NLGN1: variants seen among roughly 807,000 people sequenced by gnomAD.
NLGN1 encodes neuroligin-1.
A neutral mutation model predicts 65.5 loss-of-function variants in NLGN1; 12 were observed. The observed-to-expected ratio is 0.18, with a 90% CI of 0.12 to 0.30. The LOEUF is 0.30. Ranked by LOEUF, NLGN1 falls within the 10% of genes least tolerant of loss-of-function variation. NLGN1 has a pLI of 1.00. For missense variants in NLGN1, 750 were observed against 1,007.1 expected (o/e 0.74, Z 3.46); for synonymous variants, 350 against 359.5 (o/e 0.97, Z 0.30).
intron 4 of NLGN1, among the ~76,000 whole-genome samples, chr3:173,945,494 T>A (rs1746978441): frequency 6.6e-6 from 1 of 152,090 alleles, no homozygotes; most frequent in African/African-American, 2.4e-5. Context: ...ATTTGTGTGA[T>A]GCTTGGTGAC....
At chr3:173,537,540 AAAG>A (rs1456938497) in intron 2 of NLGN1, among the ~76,000 whole-genome samples, 2 of 152,040 alleles carry the variant, frequency 1.3e-5, no homozygotes, top group Admixed American at 6.6e-5. Flanking sequence ...ATAATAAAAT[AAAG>A]AAGAACTACT....
chr3:173,726,352 G>A (rs1014914135), intron 3 of NLGN1, among the ~76,000 whole-genome samples: 1 of 151,858 alleles, frequency 6.6e-6, no homozygotes, highest in Admixed American at 6.6e-5. Context: ...TTTATCATGG[G>A]AATACGGCAA....
chr3:173,541,213 T>C (rs565648256), intron 2 of NLGN1, among the ~76,000 whole-genome samples: 4 of 152,116 alleles, frequency 2.6e-5, no homozygotes, highest in African/African-American at 9.7e-5. Flanking sequence ...CATTCTAAAT[T>C]GACACTAAAA....
chr3:173,843,597 A>C (rs1441418105), intron 4 of NLGN1, among the ~76,000 whole-genome samples: 1 of 152,124 alleles, frequency 6.6e-6, no homozygotes, highest in African/African-American at 2.4e-5. Flanking sequence ...ACAGGGGCAA[A>C]ATGCTGCCAG....
rs1577535354 is a variant in NLGN1 at position 173,450,163 on chromosome 3, G to T, written c.-321+15085G>T. On this transcript the variant is annotated intron_variant, in intron 2 of 6. Transcript: ENST00000457714. ...ATGCAGTTTCTTTCTAGTCCTGATG[G>T]TCTTTACAATTTGGCATGTTTTTGC... Among the ~76,000 whole-genome samples, 4 of 152,290 alleles carry T rather than the reference G, an allele frequency of 2.6e-5. No homozygotes were observed. In the East Asian group the frequency reaches 5.8e-4, roughly 22 times the overall value.
chr3:174,268,865 T>C (rs1748789863), intron 4 of NLGN1, among the ~76,000 whole-genome samples: 1 of 151,966 alleles, frequency 6.6e-6, no homozygotes, highest in South Asian at 2.1e-4. Flanking sequence ...CAAATTGTCT[T>C]AGAACAAATT....
intron 3 of NLGN1, among the ~76,000 whole-genome samples, chr3:173,701,148 A>G (rs1261012780): frequency 6.6e-6 from 1 of 152,176 alleles, no homozygotes. Context: ...GTGCCGGAAA[A>G]TGCTGTTGAA....
intron 4 of NLGN1, among the ~76,000 whole-genome samples, chr3:173,836,239 A>T (rs543700802): frequency 2.0e-5 from 3 of 152,186 alleles, no homozygotes; most frequent in Non-Finnish European, 2.9e-5. Context: ...AAGCATTGTG[A>T]TAATTCTATA....
intron 4 of NLGN1, among the ~76,000 whole-genome samples, chr3:174,141,036 C>T (rs1470030969): frequency 2.0e-5 from 3 of 151,894 alleles, no homozygotes; most frequent in Non-Finnish European, 4.4e-5. Context: ...TTTTAAAATG[C>T]TTATGTTAAA....
chr3:173,598,037 T>C (rs1431008667), intron 2 of NLGN1, among the ~76,000 whole-genome samples: 1 of 152,204 alleles, frequency 6.6e-6, no homozygotes, highest in African/African-American at 2.4e-5. Context: ...CATTTTGCCT[T>C]TTTACAGTTC....
At chr3:174,152,514 G>A (rs1234015641) in intron 4 of NLGN1, among the ~76,000 whole-genome samples, 2 of 152,082 alleles carry the variant, frequency 1.3e-5, no homozygotes, top group East Asian at 1.9e-4. Context: ...GGGGAGCGGG[G>A]AGGGATAGCA....
chr3:173,954,175 T>G (rs939080174), intron 4 of NLGN1, among the ~76,000 whole-genome samples: 6 of 152,144 alleles, frequency 3.9e-5, no homozygotes, highest in African/African-American at 1.4e-4. Flanking sequence ...TTGCTGAATT[T>G]ATCTGTACCA....
chr3:173,886,488 T>C (rs939666278), intron 4 of NLGN1, among the ~76,000 whole-genome samples: 2 of 152,104 alleles, frequency 1.3e-5, no homozygotes, highest in African/African-American at 4.8e-5. Flanking sequence ...CTAGTTATTA[T>C]TTTTCTTTTA....
intron 4 of NLGN1, among the ~76,000 whole-genome samples, chr3:173,934,685 C>T: frequency 6.6e-6 from 1 of 151,904 alleles, no homozygotes; most frequent in East Asian, 1.9e-4. Context: ...TTGTTATTTT[C>T]TTTTATGAGT....
intron 2 of NLGN1, among the ~76,000 whole-genome samples, chr3:173,542,880 T>G (rs1739133351): frequency 6.6e-6 from 1 of 152,122 alleles, no homozygotes; most frequent in Non-Finnish European, 1.5e-5. Flanking sequence ...ATAGAACGTA[T>G]CCTTTTATCT....
At chr3:173,944,056 C>T (rs918870298) in intron 4 of NLGN1, among the ~76,000 whole-genome samples, 3 of 151,258 alleles carry the variant, frequency 2.0e-5, no homozygotes, top group Non-Finnish European at 4.4e-5. Context: ...AATACAAAAA[C>T]AAGGAACTGA....
chr3:174,161,609 G>A lies in NLGN1; in HGVS notation c.647-113706G>A, dbSNP rs116311200. The stretch of plus-strand genomic sequence containing the variant: ...TAAAATTAGGGGTTTCTATAGCAGG[G>A]AAGAAATCCAACAATGTATAGGAAA... On this transcript the variant is annotated intron_variant, in intron 4 of 6. Coordinates refer to ENST00000457714, the Ensembl canonical transcript of NLGN1. 1.4e-3 allele frequency among the ~76,000 whole-genome samples: 210 copies of A among 151,922 alleles called. 2 individuals carry two copies. Among genetic ancestry groups the A allele is most frequent in the African/African-American group, 4.9e-3 (204 of 41,494 alleles).
chr3:173,864,910 C>A (rs1413435960), intron 4 of NLGN1, among the ~76,000 whole-genome samples: 1 of 152,068 alleles, frequency 6.6e-6, no homozygotes, highest in Non-Finnish European at 1.5e-5. Flanking sequence ...ATCTAAACTG[C>A]CTTTTAGGGG....
At chr3:173,957,944 T>C (rs1442588052) in intron 4 of NLGN1, among the ~76,000 whole-genome samples, 2 of 151,846 alleles carry the variant, frequency 1.3e-5, no homozygotes, top group African/African-American at 4.8e-5. Context: ...AGTGAGTGAG[T>C]GTTGGGTCCA....
Sources: gnomAD v4.1 joint callset for allele counts (sites outside exome capture counted in the v4.1 genomes callset) on GRCh38, gnomAD v4.1.1 for gene constraint, MANE v1.5 for transcripts, NCBI Gene and HGNC (gene_info 2026-07-23, HGNC 2026-07-21) for gene names.